Variants in VTI1A observed in about 807,000 individuals in gnomAD.
VTI1A encodes vesicle transport through interaction with t-SNAREs homolog 1A.
Under a neutral mutation model 34.9 loss-of-function variants are expected in VTI1A, and 22 were observed. The observed-to-expected ratio is 0.63, with a 90% CI of 0.45 to 0.90. The LOEUF is 0.90. Among genes scored for constraint, VTI1A ranks in the 40% least tolerant of loss-of-function variants. VTI1A has a pLI of 0.00. For missense variants in VTI1A, 268 were observed against 275.6 expected, an observed-to-expected ratio of 0.97 and a Z score of 0.20; for synonymous variants, 87 against 97.3, an observed-to-expected ratio of 0.89 and a Z score of 0.62.
chr10:112,820,214 T>G (rs1401285809), downstream of VTI1A, among the ~76,000 whole-genome samples: 2 of 152,200 alleles, frequency 1.3e-5, no homozygotes, highest in African/African-American at 4.8e-5. Context: ...TCTGTCCCCC[T>G]TGGGATGGCC....
intron 7 of VTI1A, among the ~76,000 whole-genome samples, chr10:112,706,496 C>T (rs536002989): frequency 3.3e-5 from 5 of 152,182 alleles, no homozygotes; most frequent in Non-Finnish European, 4.4e-5. Flanking sequence ...TTACCTACTT[C>T]GGTCTCTGTA....
intron 3 of VTI1A, among the ~76,000 whole-genome samples, chr10:112,503,223 C>T (rs1427425667): frequency 6.6e-6 from 1 of 152,118 alleles, no homozygotes; most frequent in Non-Finnish European, 1.5e-5. Context: ...TTCTGTCTTA[C>T]TGTATATTTG....
chr10:112,611,930 A>G (rs900537596), intron 5 of VTI1A, among the ~76,000 whole-genome samples: 17 of 151,710 alleles, frequency 1.1e-4, no homozygotes, highest in Admixed American at 2.0e-4. Flanking sequence ...TTTAGTAGAG[A>G]CAGGGTTTCA....
At chr10:112,853,414 G>C in the VTI1A span, among the ~76,000 whole-genome samples, 1 of 152,210 alleles carries the variant, frequency 6.6e-6, no homozygotes, top group Admixed American at 6.5e-5. Flanking sequence ...TTGAGCCCTG[G>C]ATTCTGCATT....
chr10:112,719,353 A>G (rs1849714689), intron 7 of VTI1A, among the ~76,000 whole-genome samples: 1 of 152,218 alleles, frequency 6.6e-6, no homozygotes, highest in Non-Finnish European at 1.5e-5. Flanking sequence ...TTATACAAAC[A>G]TACATGTTCC....
At chr10:112,845,590 C>A in the VTI1A span, among the ~76,000 whole-genome samples, 13 of 152,318 alleles carry the variant, frequency 8.5e-5, no homozygotes, top group Admixed American at 6.5e-4. Flanking sequence ...CTCCTGAGAG[C>A]TCCTTGGAGA....
chr10:112,627,969 C>A (rs534923430), intron 5 of VTI1A, among the ~76,000 whole-genome samples: 18 of 152,264 alleles, frequency 1.2e-4, no homozygotes, highest in Middle Eastern at 3.4e-3. Context: ...AACAGAGTCA[C>A]ATGAGAAAAT....
intron 5 of VTI1A, among the ~76,000 whole-genome samples, chr10:112,632,506 G>A (rs1168995821): frequency 6.6e-6 from 1 of 152,162 alleles, no homozygotes; most frequent in Admixed American, 6.5e-5. Flanking sequence ...AGTTGATCAA[G>A]CATTGACAGA....
the VTI1A span, among the ~76,000 whole-genome samples, chr10:112,834,125 T>G: frequency 2.0e-5 from 3 of 152,156 alleles, no homozygotes; most frequent in African/African-American, 7.2e-5. Flanking sequence ...GATGAGGGAA[T>G]CCATGTGACA....
At chr10:112,496,126 G>A (rs925401823) in intron 3 of VTI1A, among the ~76,000 whole-genome samples, 5 of 142,194 alleles carry the variant, frequency 3.5e-5, no homozygotes, top group Non-Finnish European at 7.5e-5. Context: ...GGGAGGCCAG[G>A]CCTAAGTGGG....
At chr10:112,564,244 T>G (rs1383246222) in intron 5 of VTI1A, among the ~76,000 whole-genome samples, 3 of 151,972 alleles carry the variant, frequency 2.0e-5, no homozygotes, top group African/African-American at 7.2e-5. Context: ...AAAATAAACA[T>G]CGGAGTGGCT....
intron 7 of VTI1A, among the ~76,000 whole-genome samples, chr10:112,689,726 A>T (rs2133876804): frequency 6.6e-6 from 1 of 151,890 alleles, no homozygotes; most frequent in Non-Finnish European, 1.5e-5. Context: ...TGGCCTACAG[A>T]TTTTTTTACT....
intron 5 of VTI1A, among the ~76,000 whole-genome samples, chr10:112,606,082 T>C (rs1845068643): frequency 6.6e-6 from 1 of 150,578 alleles, no homozygotes; most frequent in Admixed American, 6.7e-5. Flanking sequence ...TGGAGTGCAA[T>C]GGCGTGATCT....
intron 5 of VTI1A, among the ~76,000 whole-genome samples, chr10:112,543,109 G>C (rs1449856922): frequency 6.6e-6 from 1 of 152,140 alleles, no homozygotes; most frequent in Non-Finnish European, 1.5e-5. Context: ...CCAAGTCTTT[G>C]CTATTGTGAA....
chr10:112,669,065 A>G lies in VTI1A; in HGVS notation c.560+67A>G, dbSNP rs78826907. ...TTTTAAAATACTATGTTTTCATTCA[A>G]TTGCAATGGGGCATATTACATGCTT... is the stretch of plus-strand genomic sequence containing the variant. On this transcript the variant is annotated intron_variant, in intron 7 of 7. Coordinates refer to ENST00000393077, the MANE Select transcript of VTI1A (RefSeq NM_145206.4). 2.0e-4 allele frequency: 312 copies of G among 1,567,364 alleles called. 1 individual carries two copies. In the African/African-American group the frequency reaches 3.5e-3, roughly 18 times the overall value.
intron 7 of VTI1A, among the ~76,000 whole-genome samples, chr10:112,697,124 C>T (rs905719694): frequency 4.0e-5 from 6 of 151,416 alleles, no homozygotes; most frequent in Non-Finnish European, 5.9e-5. Context: ...CAGAAAAAGG[C>T]GTATTAATTA....
chr10:112,447,145 C>T, upstream of VTI1A: 1 of 525,064 alleles, frequency 1.9e-6, no homozygotes, highest in Non-Finnish European at 3.5e-6. Flanking sequence ...TGCGAACTTA[C>T]TTATCTTAAA....
chr10:112,535,256 A>G (rs890517451), intron 4 of VTI1A, among the ~76,000 whole-genome samples: 1 of 152,196 alleles, frequency 6.6e-6, no homozygotes, highest in Non-Finnish European at 1.5e-5. Context: ...ATACTCTGAA[A>G]TATTCTTTTA....
chr10:112,590,812 G>A (rs1371824095), intron 5 of VTI1A, among the ~76,000 whole-genome samples: 1 of 152,148 alleles, frequency 6.6e-6, no homozygotes, highest in Non-Finnish European at 1.5e-5. Context: ...ACTCAAGAAA[G>A]AAATATGGCC....
Sources: allele counts gnomAD v4.1 joint callset (sites outside exome capture counted in the v4.1 genomes callset), GRCh38; gene constraint gnomAD v4.1.1; transcripts MANE v1.5; gene names NCBI Gene and HGNC (gene_info 2026-07-23, HGNC 2026-07-21).